The following CSPP1 variants were observed in gnomAD, a reference collection of about 807,000 sequenced individuals.
CSPP1 encodes the protein centrosome and spindle pole associated protein 1.
A neutral mutation model predicts 164.4 loss-of-function variants in CSPP1; 126 were observed. The observed-to-expected ratio is 0.77, with a 90% CI of 0.66 to 0.89. The LOEUF is 0.89. Ranked by LOEUF, CSPP1 falls within the 40% of genes least tolerant of loss-of-function variation. The probability of loss-of-function intolerance (pLI) is 0.00; values close to 1 mark genes in which losing one functional copy is unlikely to be tolerated. For missense variants in CSPP1, 1,395 were observed against 1,449.8 expected (o/e 0.96, Z 0.61); for synonymous variants, 472 against 476.7 (o/e 0.99, Z 0.13).
At chr8:67,124,135 A>AGG (rs1819594831) in intron 15 of CSPP1, among the ~76,000 whole-genome samples, 1 of 143,508 alleles carries the variant, frequency 7.0e-6, no homozygotes. Flanking sequence ...TCCTGACCTC[A>AGG]TGATCCACCC....
chr8:67,118,129 A>G (rs776042224), intron 13 of CSPP1, 119 bp from the exon 14 acceptor site: 1 of 1,028,948 alleles, frequency 9.7e-7, no homozygotes, highest in Admixed American at 2.1e-5. Flanking sequence ...CAAGATGGTG[A>G]CATTTTCTAA....
intron 27 of CSPP1, among the ~76,000 whole-genome samples, chr8:67,179,464 G>A (rs1023472777): frequency 2.6e-5 from 4 of 152,246 alleles, no homozygotes; most frequent in South Asian, 2.1e-4. Flanking sequence ...ATGGAAATTC[G>A]GATGAATGAA....
At chr8:67,151,419 TGA>T (rs1345348255) in intron 18 of CSPP1, among the ~76,000 whole-genome samples, 3 of 152,240 alleles carry the variant, frequency 2.0e-5, no homozygotes, top group Non-Finnish European at 4.4e-5. Context: ...TAGTCTGTAT[TGA>T]GATCTCATTG....
Position 67,138,154 on chromosome 8 carries a change from A to G in CSPP1, c.1975+551A>G, listed in dbSNP as rs576151167. On this transcript the variant is annotated intron_variant, in intron 17 of 30. Coordinates refer to ENST00000678616, the MANE Select transcript of CSPP1 (RefSeq NM_001382391.1). ...ATGTACTCTCAAAAATGTTTGATCT[A>G]GTAATCACACAACAAATACTTCGAA... 2.0e-5 allele frequency among the ~76,000 whole-genome samples: 3 copies of G among 152,330 alleles called. No individual in the cohort carries two copies. The South Asian group carries it at 6.2e-4, about 32-fold the overall frequency.
intron 4 of CSPP1, chr8:67,086,948 C>G: frequency 1.8e-6 from 1 of 555,076 alleles, no homozygotes; most frequent in South Asian, 1.7e-5. Flanking sequence ...AGATTCAAAC[C>G]AATTAGGAAA....
At chr8:67,192,803 CG>C (rs1298560582) in intron 29 of CSPP1, among the ~76,000 whole-genome samples, 1 of 151,288 alleles carries the variant, frequency 6.6e-6, no homozygotes, top group South Asian at 2.1e-4. Context: ...CGTCCATAAA[CG>C]TAAGGATTTA....
At chr8:67,078,286 T>G (rs1178561009) in intron 3 of CSPP1, among the ~76,000 whole-genome samples, 1 of 152,148 alleles carries the variant, frequency 6.6e-6, no homozygotes, top group Non-Finnish European at 1.5e-5. Context: ...GTTAAATACG[T>G]GAAAAGATGG....
chr8:67,147,840 T>TCATC (rs1288777987), intron 17 of CSPP1, among the ~76,000 whole-genome samples: 1 of 152,182 alleles, frequency 6.6e-6, no homozygotes, highest in African/African-American at 2.4e-5. Context: ...CTCTTCCATG[T>TCATC]CATCTCTTTT....
chr8:67,144,840 A>C (rs2129556769), intron 17 of CSPP1, among the ~76,000 whole-genome samples: 1 of 152,014 alleles, frequency 6.6e-6, no homozygotes, highest in South Asian at 2.1e-4. Context: ...AGGCTGAGGC[A>C]GGTGGATCAC....
intron 26 of CSPP1, 105 bp from the exon 27 acceptor site, chr8:67,177,575 G>A (rs1273157849): frequency 5.6e-6 from 4 of 708,712 alleles, no homozygotes; most frequent in Non-Finnish European, 7.4e-6. Context: ...TAGTTGAAAA[G>A]TAATTTCCAG....
At chr8:67,195,215 AGGGTG>A (rs1335747281) in intron 30 of CSPP1, among the ~76,000 whole-genome samples, 162 bp from the exon 31 acceptor site, 2 of 152,022 alleles carry the variant, frequency 1.3e-5, no homozygotes, top group East Asian at 2.0e-4. Context: ...CCTCTAAAAT[AGGGTG>A]GGGTGGGGTG....
intron 29 of CSPP1, among the ~76,000 whole-genome samples, chr8:67,192,242 G>A (rs1008878929): frequency 6.6e-6 from 1 of 151,834 alleles, no homozygotes; most frequent in African/African-American, 2.4e-5. Context: ...GCCTGGCTAA[G>A]TTTTGTATTT....
intron 13 of CSPP1, among the ~76,000 whole-genome samples, chr8:67,117,236 G>C (rs1015098001): frequency 6.6e-6 from 1 of 152,090 alleles, no homozygotes; most frequent in Non-Finnish European, 1.5e-5. Flanking sequence ...CATTTTTGTT[G>C]ATGTATTTTT....
Position 67,190,707 on chromosome 8 carries a change from A to C in CSPP1, c.3278A>C (p.Gln1093Pro), listed in dbSNP as rs776372545. ...GATGACGTCCTCCCTCCACCATCAC[A>C]GTTGCCCTCTGCACGGGAGCGCAGG... Reference protein sequence around the residue: ...IEDDVLPPPSQLPSARERRRN... With the variant: ...IEDDVLPPPSPLPSARERRRN... The change falls in exon 29 of 31, where the codon CAG (glutamine) becomes CCG (proline). Residue 1093 changes from glutamine (Q) to proline (P), a missense_variant. Coordinates refer to ENST00000678616, the MANE Select transcript of CSPP1 (RefSeq NM_001382391.1). The C allele has an allele frequency of 6.2e-7, 1 of 1,614,124 alleles. No individual in the cohort carries two copies. The highest frequency in any genetic ancestry group is 1.1e-5 in the South Asian group (1 of 91,072).
At chr8:67,176,887 T>C (rs1374117893) in intron 26 of CSPP1, among the ~76,000 whole-genome samples, 1 of 151,792 alleles carries the variant, frequency 6.6e-6, no homozygotes, top group African/African-American at 2.4e-5. Context: ...CTGGCCAACA[T>C]AGTGAAACCC....
intron 28 of CSPP1, among the ~76,000 whole-genome samples, chr8:67,185,118 C>A (rs113042963): frequency 4.2e-4 from 60 of 143,830 alleles, no homozygotes; most frequent in African/African-American, 1.1e-3. Flanking sequence ...AAAAAAAAAA[C>A]AAAAACAAAC....
At chr8:67,103,289 G>A (rs1378983432) in intron 8 of CSPP1, among the ~76,000 whole-genome samples, 154 bp downstream of exon 8, 1 of 152,100 alleles carries the variant, frequency 6.6e-6, no homozygotes, top group Non-Finnish European at 1.5e-5. Flanking sequence ...AGGTGGGGAG[G>A]TAGTACTAAA....
At chr8:67,158,154 C>T (rs1158012158) in intron 19 of CSPP1, among the ~76,000 whole-genome samples, 1 of 152,140 alleles carries the variant, frequency 6.6e-6, no homozygotes, top group Non-Finnish European at 1.5e-5. Context: ...TCTTTAAGCA[C>T]TCCTTTGAGA....
chr8:67,097,414 T>C (rs1372904840), intron 7 of CSPP1, among the ~76,000 whole-genome samples: 1 of 152,184 alleles, frequency 6.6e-6, no homozygotes, highest in African/African-American at 2.4e-5. Context: ...ATGGCAATTA[T>C]AGTTTCTCTG....
Sources: allele counts gnomAD v4.1 joint callset (sites outside exome capture counted in the v4.1 genomes callset), GRCh38; gene constraint gnomAD v4.1.1; transcripts MANE v1.5; gene names NCBI Gene and HGNC (gene_info 2026-07-23, HGNC 2026-07-21).